SBNO1: variants seen among roughly 807,000 people sequenced by gnomAD.
SBNO1 encodes protein strawberry notch homolog 1.
A neutral mutation model predicts 173.6 loss-of-function variants in SBNO1; 23 were observed. That is an observed-to-expected ratio of 0.13 (90% CI 0.10 to 0.19). SBNO1 has a LOEUF of 0.19. Among genes scored for constraint, SBNO1 ranks in the 10% least tolerant of loss-of-function variants. The pLI is 1.00. For synonymous variants in SBNO1, 632 were observed against 571.5 expected (o/e 1.11, Z -1.51); for missense variants, 1,238 against 1,671.2 (o/e 0.74, Z 4.52).
At chr12:123,311,022 A>G in intron 25 of SBNO1, 33 bp downstream of exon 25, 2 of 1,413,306 alleles carry the variant, frequency 1.4e-6, no homozygotes, top group Non-Finnish European at 2.0e-6. Flanking sequence ...CTATAGCAAC[A>G]GTTATATGCC....
chr12:123,309,923 T>A, intron 25 of SBNO1, 67 bp from the exon 26 acceptor site: 1 of 1,225,548 alleles, frequency 8.2e-7, no homozygotes. Context: ...CATCTAGGCT[T>A]AGTTCAAGTC....
At chr12:123,304,334 A>C (rs2048863439) in intron 29 of SBNO1, 1 of 333,692 alleles carries the variant, frequency 3.0e-6, no homozygotes, top group Admixed American at 4.6e-5. Flanking sequence ...TCCCGGGTTC[A>C]AGTGATTCTC....
Position 123,340,991 on chromosome 12 carries a change from G to C in SBNO1, c.648C>G (p.Thr216=), listed in dbSNP as rs1387706261. 1.3e-6 allele frequency: 2 copies of C among 1,555,944 alleles called. No homozygotes were observed. The highest frequency in any genetic ancestry group is 2.3e-5 in the South Asian group (2 of 87,954). The change falls in exon 5 of 32, where the codon ACC becomes ACG. Residue 216 remains threonine (T), a synonymous_variant. Transcript: ENST00000602398. ...GACACAGTTATTTGAAACTCACCAT[G>C]GTTGGGGAAAAACTCCTCATCTTCA... ...NDMKMRSFSP[T]MKVPVVKEDD... is the part of the protein sequence containing the mutation.
In SBNO1 at chr12:123,345,523, A is replaced by G; in HGVS notation, c.285T>C (p.His95=). The G allele has an allele frequency of 1.9e-6, 3 of 1,614,072 alleles. No homozygotes were observed. ...TTTFVLNQIN[H]LPPLGSTIVM... is the part of the protein sequence containing the mutation. The stretch of plus-strand genomic sequence containing the variant: ...CAATTGTAGATCCCAAGGGTGGAAG[A>G]TGATTTATTTGATTCAGCACAAATG... The change falls in exon 4 of 32, where the codon CAT becomes CAC. Residue 95 remains histidine, a synonymous_variant. Coordinates refer to ENST00000602398, the MANE Select transcript of SBNO1 (RefSeq NM_001167856.3).
intron 28 of SBNO1, among the ~76,000 whole-genome samples, chr12:123,305,477 CTT>C (rs905744798): frequency 6.7e-6 from 1 of 149,860 alleles, no homozygotes; most frequent in Non-Finnish European, 1.5e-5. Flanking sequence ...GTATTTTTAA[CTT>C]TTTTTTTTGT....
chr12:123,348,108 A>G lies in SBNO1; in HGVS notation c.158T>C (p.Leu53Pro). 1.2e-6 allele frequency: 2 copies of G among 1,611,006 alleles called. No individual in the cohort carries two copies. The highest frequency in any genetic ancestry group is 1.7e-6 in the Non-Finnish European group (2 of 1,177,544). The change falls in exon 3 of 32, where the codon CTA (leucine) becomes CCA (proline). Residue 53 changes from leucine (L) to proline (P), a missense_variant. Transcript: ENST00000602398. ...AACTGCTGCTTCGGTCTCCAAACCT[A>G]GTTCTAATGCACTAAGTGGCACTGA... ...QQSVPLSALE[L>P]GLETEAAVPV...
At chr12:123,362,090 A>T (rs1875310731) in intron 1 of SBNO1, among the ~76,000 whole-genome samples, 1 of 150,470 alleles carries the variant, frequency 6.6e-6, no homozygotes, top group Non-Finnish European at 1.5e-5. Flanking sequence ...CAGTGAGCCA[A>T]GGTTATGACA....
intron 6 of SBNO1, 151 bp from the exon 7 acceptor site, chr12:123,334,364 A>G: frequency 1.7e-6 from 1 of 587,470 alleles, no homozygotes; most frequent in Non-Finnish European, 2.9e-6. Flanking sequence ...AACTGATGAC[A>G]AAGTACTATC....
At chr12:123,346,310 T>C (rs542010362) in intron 3 of SBNO1, among the ~76,000 whole-genome samples, 23 of 152,332 alleles carry the variant, frequency 1.5e-4, no homozygotes, top group African/African-American at 4.8e-4. Flanking sequence ...TTTCACTTTT[T>C]TCCTCCTCAA....
intron 20 of SBNO1, among the ~76,000 whole-genome samples, chr12:123,317,864 G>C (rs1869471330): frequency 6.6e-6 from 1 of 152,196 alleles, no homozygotes; most frequent in South Asian, 2.1e-4. Context: ...TCCAACTAAT[G>C]TAATTCCTAA....
At chr12:123,344,346 G>C (rs1872871231) in intron 4 of SBNO1, among the ~76,000 whole-genome samples, 1 of 152,048 alleles carries the variant, frequency 6.6e-6, no homozygotes, top group African/African-American at 2.4e-5. Context: ...AGTCAGTTCA[G>C]GACAATGACC....
chr12:123,305,255 C>G (rs2048885050), intron 28 of SBNO1, among the ~76,000 whole-genome samples: 1 of 152,230 alleles, frequency 6.6e-6, no homozygotes, highest in African/African-American at 2.4e-5. Context: ...TGGATGGCCC[C>G]AGTCCTCTGC....
chr12:123,325,277 C>A (rs1192976287), intron 15 of SBNO1, among the ~76,000 whole-genome samples: 1 of 152,166 alleles, frequency 6.6e-6, no homozygotes, highest in East Asian at 1.9e-4. Flanking sequence ...AGTTCACATA[C>A]TCTGTGTAAT....
chr12:123,354,886 T>A (rs1874264734), intron 1 of SBNO1, among the ~76,000 whole-genome samples: 1 of 152,118 alleles, frequency 6.6e-6, no homozygotes, highest in Non-Finnish European at 1.5e-5. Flanking sequence ...AGAGTTCAAT[T>A]TTTATCATAA....
intron 4 of SBNO1, among the ~76,000 whole-genome samples, chr12:123,343,600 G>T (rs370056441): frequency 2.7e-5 from 4 of 148,640 alleles, no homozygotes; most frequent in East Asian, 4.0e-4. Context: ...GTGCAGTGGC[G>T]CCATCTCAGC....
chr12:123,296,501 C>A (rs1315036767), intron 31 of SBNO1, among the ~76,000 whole-genome samples: 1 of 151,342 alleles, frequency 6.6e-6, no homozygotes, highest in Non-Finnish European at 1.5e-5. Context: ...TTAAGTCCTG[C>A]ATGTAGGATT....
rs1417012050 is a variant in SBNO1, at chr12:123,289,567, G to A, written c.*6341C>T. 1.3e-5 allele frequency: 2 copies of A among 151,888 alleles called. No individual in the cohort carries two copies. The highest frequency in any genetic ancestry group is 4.8e-5 in the African/African-American group (2 of 41,306). The allele number at this position is 151,888 out of a possible 1,614,324, so 9.4% of individuals were successfully genotyped here. On this transcript the variant is annotated 3_prime_UTR_variant, in exon 32 of 32. Coordinates refer to ENST00000602398, the MANE Select transcript of SBNO1 (RefSeq NM_001167856.3). ...GATGCACCATGTCAGATTAGTAAAG[G>A]AGAACCATCTACACCTACATAGAAA...
At chr12:123,313,586 C>A in intron 24 of SBNO1, 34 bp downstream of exon 24, 2 of 1,100,438 alleles carry the variant, frequency 1.8e-6, no homozygotes, top group South Asian at 1.3e-5. Flanking sequence ...TGTCAATAAT[C>A]ATTGTCATTG....
At chr12:123,327,387 A>C in intron 13 of SBNO1, 39 bp downstream of exon 13, 1 of 1,544,190 alleles carries the variant, frequency 6.5e-7, no homozygotes, top group East Asian at 2.2e-5. Flanking sequence ...ATTATCAGAT[A>C]CATTAAATAA....
Sources: allele counts gnomAD v4.1 joint callset (sites outside exome capture counted in the v4.1 genomes callset), GRCh38; gene constraint gnomAD v4.1.1; transcripts MANE v1.5; gene names NCBI Gene and HGNC (gene_info 2026-07-23, HGNC 2026-07-21).